ZNF222: variants seen among roughly 807,000 people sequenced by gnomAD.
ZNF222 encodes the protein zinc finger protein 222.
ZNF222 carries 8 observed loss-of-function variants against 11.6 expected under a neutral mutation model. The observed-to-expected ratio is 0.69, with a 90% confidence interval of 0.41 to 1.25. The LOEUF (loss-of-function observed/expected upper bound fraction) is 1.25, where lower values mean the gene tolerates loss of function less well. Ranked by LOEUF, ZNF222 falls within the 50% of genes most tolerant of loss-of-function variation. The pLI, the probability that ZNF222 is intolerant of heterozygous loss-of-function variation, is 0.01. For missense variants in ZNF222, 483 were observed against 576.1 expected (o/e 0.84, Z 1.65); for synonymous variants, 171 against 195.6 (o/e 0.87, Z 1.05).
chr19:44,026,170 G>A (rs1976356587), intron 1 of ZNF222: 3 of 1,375,862 alleles, frequency 2.2e-6, no homozygotes, highest in Non-Finnish European at 3.1e-6. Flanking sequence ...GGGCATGGGT[G>A]TCGATAATGA....
In ZNF222 at chr19:44,026,909, A is replaced by G. The variant is rs138995284; in HGVS notation, c.43-114A>G. 3.5e-5 allele frequency: 52 copies of G among 1,501,742 alleles called. No individual in the cohort carries two copies. In the East Asian group the frequency reaches 1.1e-3, roughly 33 times the overall value. The allele number at this position is 1,501,742 out of a possible 1,614,324, so 93.0% of individuals were successfully genotyped here. ...AAGTAGGAAATCTATAAGCTGACCT[A>G]TGTCTCTCAAGATCCAAAACAACTT... On this transcript the variant is annotated intron_variant, in intron 1 of 3. Transcript: ENST00000391960.
intron 3 of ZNF222, among the ~76,000 whole-genome samples, chr19:44,029,742 T>C (rs1281293529): frequency 1.3e-5 from 2 of 152,236 alleles, no homozygotes; most frequent in Admixed American, 1.3e-4. Flanking sequence ...CAATTAATAT[T>C]TTCCAAGATT....
intron 3 of ZNF222, among the ~76,000 whole-genome samples, chr19:44,027,836 C>T (rs1192616502): frequency 1.3e-5 from 2 of 152,152 alleles, no homozygotes; most frequent in African/African-American, 4.8e-5. Flanking sequence ...CCCCTTGCTC[C>T]ATCTTTTCCA....
Position 44,032,831 on chromosome 19 carries a change from A to G in ZNF222, c.1277A>G (p.Asn426Ser). 6.2e-7 allele frequency: 1 copy of G among 1,613,320 alleles called. No individual in the cohort carries two copies. The highest frequency in any genetic ancestry group is 8.5e-7 in the Non-Finnish European group (1 of 1,179,836). ...TTTAGACATGCTTCTAGTATTTTGAATCATAAGAAACTCCACTGCCAAAGA... is the reference window on the plus strand; with the variant it reads ...TTTAGACATGCTTCTAGTATTTTGAGTCATAAGAAACTCCACTGCCAAAGA... ...KSFRHASSIL[N>S]HKKLHCQRKP... Residue 426 changes from asparagine to serine, a missense_variant, in exon 4 of 4, where the codon AAT becomes AGT. Coordinates refer to ENST00000391960, the MANE Select transcript of ZNF222 (RefSeq NM_001129996.2).
Position 44,032,037 on chromosome 19 carries a change from T to C in ZNF222, c.483T>C (p.Asn161=). 3 of 1,614,208 alleles carry C rather than the reference T, an allele frequency of 1.9e-6. No individual in the cohort carries two copies. The highest frequency in any genetic ancestry group is 1.7e-6 in the Non-Finnish European group (2 of 1,180,034). The part of the protein sequence containing the change: ...HTREKPFQGE[N]CKQFFSDVSF... ...GAGAAAAACCTTTCCAGGGTGAAAA[T>C]TGTAAACAGTTCTTCAGTGATGTTT... Residue 161 remains asparagine, a synonymous_variant, in exon 4 of 4, where the codon AAT becomes AAC. Transcript: ENST00000391960.
chr19:44,032,971 C>G lies in ZNF222; in HGVS notation c.1417C>G (p.Arg473Gly). 1.3e-6 allele frequency: 2 copies of G among 1,578,314 alleles called. No individual in the cohort carries two copies. The highest frequency in any genetic ancestry group is 1.7e-6 in the Non-Finnish European group (2 of 1,169,896). ...NPSKCEDCGKRYKRRLNLDII... is the reference protein window; with the variant it reads ...NPSKCEDCGKGYKRRLNLDII... ...ATCCAAATGTGAGGACTGTGGGAAG[C>G]GCTACAAGAGGCGCTTGAATCTGGA... Residue 473 changes from arginine (R) to glycine (G), a missense_variant, in exon 4 of 4, where the codon CGC becomes GGC. By Grantham distance (125) the Arg-to-Gly change is moderately radical. Transcript: ENST00000391960.
rs372625284 is a variant in ZNF222 at position 44,033,025 on chromosome 19, A to C, written c.1471A>C (p.Ile491Leu). 8 of 1,522,188 alleles carry C rather than the reference A, an allele frequency of 5.3e-6. No individual in the cohort carries two copies. The Admixed American group carries it at 1.1e-4, about 21-fold the overall frequency. 94.3% of individuals were successfully genotyped at this position (1,522,188 alleles called of 1,614,324 possible). Residue 491 changes from isoleucine (I) to leucine (L), a missense_variant, in exon 4 of 4, where the codon ATA (isoleucine) becomes CTA (leucine). By Grantham distance (5) the Ile-to-Leu change is conservative (BLOSUM62 2). Coordinates refer to ENST00000391960, the MANE Select transcript of ZNF222 (RefSeq NM_001129996.2). ...AATTTTATCATTATTTTTAAATGAC[A>C]TATAAGTTATACATATTTATGGAGT... ...DIILSLFLND[I>L]
intron 3 of ZNF222, among the ~76,000 whole-genome samples, chr19:44,027,992 C>A (rs1248976957): frequency 6.6e-6 from 1 of 152,176 alleles, no homozygotes; most frequent in African/African-American, 2.4e-5. Context: ...TCTCACTGGG[C>A]AAAAATCAAG....
In ZNF222 at chr19:44,027,164, C is replaced by T. The variant is rs754938385; in HGVS notation, c.169+15C>T. On this transcript the variant is annotated intron_variant, in intron 2 of 3. Coordinates refer to ENST00000391960, the MANE Select transcript of ZNF222 (RefSeq NM_001129996.2). Reference sequence around the variant, plus strand: ...GCTCTCAGTGGGTGAGGACGGGCACCCCCTGTAATGGAATGTCAGGCCCCA... The same window carrying T: ...GCTCTCAGTGGGTGAGGACGGGCACTCCCTGTAATGGAATGTCAGGCCCCA... 1 of 1,613,422 alleles carries T rather than the reference C, an allele frequency of 6.2e-7. No individual in the cohort carries two copies. Among genetic ancestry groups the T allele is most frequent in the East Asian group, 2.2e-5 (1 of 44,868 alleles).
rs1234811002 is a variant in ZNF222 at position 44,032,529 on chromosome 19, C to T, written c.975C>T (p.Tyr325=). The change falls in exon 4 of 4, where the codon TAC becomes TAT. Residue 325 remains tyrosine, a synonymous_variant. Coordinates refer to ENST00000391960, the MANE Select transcript of ZNF222 (RefSeq NM_001129996.2). ...HCMVHTAEKL[Y]KSEKYGRGFI... ...TGGTCCACACAGCAGAGAAACTGTA[C>T]AAATCTGAAAAGTATGGAAGAGGTT... 6.2e-7 allele frequency: 1 copy of T among 1,614,110 alleles called. No individual in the cohort carries two copies. Among genetic ancestry groups the T allele is most frequent in the Non-Finnish European group, 8.5e-7 (1 of 1,180,018 alleles).
At chr19:44,027,908 C>G (rs767699637) in intron 3 of ZNF222, among the ~76,000 whole-genome samples, 20 of 152,138 alleles carry the variant, frequency 1.3e-4, no homozygotes, top group Non-Finnish European at 2.1e-4. Flanking sequence ...CCTATTGTGG[C>G]CGGTGACATA....
chr19:44,028,624 T>A (rs1405191237), intron 3 of ZNF222, among the ~76,000 whole-genome samples: 5 of 152,208 alleles, frequency 3.3e-5, no homozygotes, highest in Non-Finnish European at 7.3e-5. Flanking sequence ...GCCCCTCCCC[T>A]TTGCAATGTA....
chr19:44,029,971 C>G (rs540584628), intron 3 of ZNF222, among the ~76,000 whole-genome samples: 1 of 152,228 alleles, frequency 6.6e-6, no homozygotes, highest in African/African-American at 2.4e-5. Flanking sequence ...TCCTGCTTGT[C>G]ATAATGCTGC....
chr19:44,030,843 A>G (rs1327443323), intron 3 of ZNF222: 1 of 152,216 alleles, frequency 6.6e-6, no homozygotes, highest in Admixed American at 6.5e-5. Flanking sequence ...CCTTCCATGA[A>G]TCACACTGAT....
At chr19:44,026,542 C>A (rs117412773) in intron 1 of ZNF222, among the ~76,000 whole-genome samples, 41,940 of 114,446 alleles carry the variant, frequency 0.37, 6,322 homozygotes, top group Non-Finnish European at 0.42. Context: ...CTCTCTCTCT[C>A]TATATATATA....
rs1976528791 is a variant in ZNF222 at position 44,032,482 on chromosome 19, T to C, written c.928T>C (p.Ser310Pro). Residue 310 changes from serine to proline, a missense_variant, in exon 4 of 4, where the codon TCA becomes CCA. By Grantham distance (74) the Ser-to-Pro change is moderately conservative. Transcript: ENST00000391960. ...ATGTGGTAAGAGCTTCTGTCTTAGG[T>C]CAAGTCTTAATAGGCATTGCATGGT... ...EICGKSFCLRSSLNRHCMVHT... is the reference protein window; with the variant it reads ...EICGKSFCLRPSLNRHCMVHT... 1 of 1,614,042 alleles carries C rather than the reference T, an allele frequency of 6.2e-7. No individual in the cohort carries two copies. Among genetic ancestry groups the C allele is most frequent in the African/African-American group, 1.3e-5 (1 of 74,914 alleles).
At chr19:44,026,585 T>C (rs1212258999) in intron 1 of ZNF222, among the ~76,000 whole-genome samples, 7 of 151,054 alleles carry the variant, frequency 4.6e-5, no homozygotes, top group Admixed American at 4.6e-4. Flanking sequence ...TTCGCTCTTG[T>C]TGCTTAGGCT....
rs1428396406 is a variant in ZNF222 at position 44,032,576 on chromosome 19, A to G, written c.1022A>G (p.His341Arg). 7 of 1,614,250 alleles carry G rather than the reference A, an allele frequency of 4.3e-6. No homozygotes were observed. Among genetic ancestry groups the G allele is most frequent in the Admixed American group, 1.7e-5 (1 of 60,034 alleles). ...GGTTTCATTGATAGGCTAGATTTGC[A>G]TAAGCATCAGATGATTCATATGGGA... ...GRGFIDRLDL[H>R]KHQMIHMGQK... The change falls in exon 4 of 4, where the codon CAT becomes CGT. Residue 341 changes from histidine to arginine, a missense_variant. Coordinates refer to ENST00000391960, the MANE Select transcript of ZNF222 (RefSeq NM_001129996.2).
intron 3 of ZNF222, among the ~76,000 whole-genome samples, chr19:44,028,056 T>C (rs774814609): frequency 3.9e-5 from 6 of 152,244 alleles, no homozygotes; most frequent in Non-Finnish European, 8.8e-5. Context: ...GACTTCATTT[T>C]GGTTTACCAG....
Sources: gnomAD v4.1 joint callset for allele counts (sites outside exome capture counted in the v4.1 genomes callset) on GRCh38, gnomAD v4.1.1 for gene constraint, MANE v1.5 for transcripts, NCBI Gene and HGNC (gene_info 2026-07-23, HGNC 2026-07-21) for gene names.